Variants in ZNF782 observed in about 807,000 individuals in gnomAD.
The protein encoded by ZNF782 is zinc finger protein 782.
A neutral mutation model predicts 13.0 loss-of-function variants in ZNF782; 12 were observed. The observed-to-expected ratio is 0.92, with a 90% CI of 0.59 to 1.50. The LOEUF (loss-of-function observed/expected upper bound fraction) is 1.50, where lower values mean the gene tolerates loss of function less well. Ranked by LOEUF, ZNF782 falls within the 40% of genes most tolerant of loss-of-function variation. The pLI, the probability that ZNF782 is intolerant of heterozygous loss-of-function variation, is 0.00. For missense variants in ZNF782, 770 were observed against 822.9 expected (o/e 0.94, Z 0.79); for synonymous variants, 284 against 283.0 (o/e 1.00, Z -0.04).
At chr9:96,897,891 C>T in the ZNF782 span, 1 of 151,782 alleles carries the variant, frequency 6.6e-6, no homozygotes, top group South Asian at 2.1e-4. Flanking sequence ...TTATTACAAG[C>T]TTGGGGATAA....
At chr9:96,896,243 T>C in the ZNF782 span, among the ~76,000 whole-genome samples, 1 of 152,146 alleles carries the variant, frequency 6.6e-6, no homozygotes, top group South Asian at 2.1e-4. Flanking sequence ...CAGAAACAGT[T>C]TGGTTTCAGG....
chr9:96,832,591 G>C (rs1451569486), intron 4 of ZNF782, among the ~76,000 whole-genome samples: 1 of 151,996 alleles, frequency 6.6e-6, no homozygotes, highest in Non-Finnish European at 1.5e-5. Context: ...ATTTCCAAGA[G>C]ATATTTACGC....
chr9:96,922,122 C>G, the ZNF782 span, among the ~76,000 whole-genome samples: 57 of 151,586 alleles, frequency 3.8e-4, no homozygotes, highest in African/African-American at 1.2e-3. Flanking sequence ...TCCCTTTTAT[C>G]TCAAACAACA....
chr9:96,916,845 C>T, the ZNF782 span, among the ~76,000 whole-genome samples: 129 of 134,082 alleles, frequency 9.6e-4, 1 homozygote, highest in African/African-American at 3.5e-3. Flanking sequence ...AAAAGAGGGC[C>T]GGCTACCTGT....
At chr9:96,913,408 A>C in the ZNF782 span, among the ~76,000 whole-genome samples, 4 of 152,034 alleles carry the variant, frequency 2.6e-5, no homozygotes, top group Non-Finnish European at 5.9e-5. Flanking sequence ...AAGAAGGCCC[A>C]AATATCCTAT....
chr9:96,905,120 G>A, the ZNF782 span, among the ~76,000 whole-genome samples: 1 of 139,304 alleles, frequency 7.2e-6, no homozygotes, highest in Non-Finnish European at 1.5e-5. Flanking sequence ...ATAAGGCTGA[G>A]ACCTGCTGGG....
rs1162893509 is a variant in ZNF782, at chr9:96,819,317, T to C, written c.706A>G (p.Thr236Ala). 6.2e-7 allele frequency: 1 copy of C among 1,610,528 alleles called. No individual in the cohort carries two copies. Among genetic ancestry groups the C allele is most frequent in the African/African-American group, 1.3e-5 (1 of 74,662 alleles). Residue 236 changes from threonine (T) to alanine (A), a missense_variant, in exon 6 of 6, where the codon ACC (threonine) becomes GCC (alanine). Thr to Ala is a moderately conservative substitution (Grantham distance 58). Coordinates refer to ENST00000481138, the MANE Select transcript of ZNF782 (RefSeq NM_001001662.3). ...TTGTAAGATTTTCCTTTTGGGTGGG[T>C]ACTGTTAGATGTAACAAGGGCAGCC... is the stretch of plus-strand genomic sequence containing the variant. The part of the protein sequence containing the change: ...EKAALVTSNS[T>A]HPKGKSYNFN...
chr9:96,818,702 G>C lies in ZNF782; in HGVS notation c.1321C>G (p.Gln441Glu), dbSNP rs374784919. Residue 441 changes from glutamine to glutamate, a missense_variant, in exon 6 of 6, where the codon CAG becomes GAG. Transcript: ENST00000481138. ...GGTTTCTCCCCTGTGTGGGTTCTCT[G>C]GTGTATTCTTAGGCCTGACTTTGCA... ...FSAKSGLRIH[Q>E]RTHTGEKPFE... 2.7e-5 allele frequency: 43 copies of C among 1,614,034 alleles called. No homozygotes were observed. In the Admixed American group the frequency reaches 7.2e-4, roughly 27 times the overall value.
the ZNF782 span, among the ~76,000 whole-genome samples, chr9:96,927,070 G>A: frequency 1.5e-4 from 23 of 152,178 alleles, 1 homozygote; most frequent in South Asian, 6.2e-4. Flanking sequence ...TCATTCTGAC[G>A]CTGATAAACA....
the ZNF782 span, chr9:96,895,489 T>C: frequency 3.9e-5 from 6 of 152,226 alleles, no homozygotes; most frequent in Non-Finnish European, 7.3e-5. Context: ...TCTCCTTAAA[T>C]AATGAGGAGG....
chr9:96,916,265 C>A, the ZNF782 span, among the ~76,000 whole-genome samples: 1 of 151,852 alleles, frequency 6.6e-6, no homozygotes. Flanking sequence ...CTAAGGCGGG[C>A]GGATCACTTG....
At chr9:96,902,316 T>C in the ZNF782 span, among the ~76,000 whole-genome samples, 1 of 137,550 alleles carries the variant, frequency 7.3e-6, no homozygotes, top group Non-Finnish European at 1.5e-5. Flanking sequence ...CCCAGCTATT[T>C]GGGAGGCTGA....
At chr9:96,905,788 G>T in the ZNF782 span, among the ~76,000 whole-genome samples, 1 of 152,254 alleles carries the variant, frequency 6.6e-6, no homozygotes, top group Non-Finnish European at 1.5e-5. Context: ...GTTTCACCAT[G>T]TTGGCCAGGC....
the ZNF782 span, chr9:96,894,093 A>G: frequency 6.6e-6 from 1 of 151,666 alleles, no homozygotes; most frequent in Non-Finnish European, 1.5e-5. Flanking sequence ...TATCACAAGG[A>G]CAGAAAACCA....
the ZNF782 span, among the ~76,000 whole-genome samples, chr9:96,918,284 C>G: frequency 6.7e-6 from 1 of 148,150 alleles, no homozygotes; most frequent in Non-Finnish European, 1.5e-5. Flanking sequence ...GCCTGTAGTC[C>G]CAGCTACTTG....
upstream of ZNF782, among the ~76,000 whole-genome samples, chr9:96,879,141 A>G (rs1043525521): frequency 2.1e-3 from 321 of 152,350 alleles, 3 homozygotes; most frequent in Non-Finnish European, 3.6e-3. Flanking sequence ...CATAATAACA[A>G]GGAATAAAAG....
chr9:96,848,653 A>AT (rs1564009997), intron 3 of ZNF782, among the ~76,000 whole-genome samples: 1 of 152,222 alleles, frequency 6.6e-6, no homozygotes, highest in African/African-American at 2.4e-5. Context: ...CAAGAACTAC[A>AT]TAACACTGCT....
the ZNF782 span, among the ~76,000 whole-genome samples, chr9:96,931,132 C>T: frequency 5.0e-4 from 76 of 152,156 alleles, no homozygotes; most frequent in Middle Eastern, 3.4e-3. Flanking sequence ...AGGTGATCCA[C>T]CCGCCTGGGC....
At chr9:96,820,124 G>A (rs1489705370) in intron 5 of ZNF782, among the ~76,000 whole-genome samples, 3 of 152,064 alleles carry the variant, frequency 2.0e-5, no homozygotes, top group Non-Finnish European at 4.4e-5. Flanking sequence ...CAGAGAATGG[G>A]ATGAATAAAA....
Sources: allele counts gnomAD v4.1 joint callset (sites outside exome capture counted in the v4.1 genomes callset), GRCh38; gene constraint gnomAD v4.1.1; transcripts MANE v1.5; gene names NCBI Gene and HGNC (gene_info 2026-07-23, HGNC 2026-07-21).